CEP63: variants seen among roughly 807,000 people sequenced by gnomAD.
CEP63 encodes centrosomal protein 63.
Under a neutral mutation model 89.1 loss-of-function variants are expected in CEP63, and 84 were observed. That is an observed-to-expected ratio of 0.94 (90% CI 0.79 to 1.13). CEP63 has a LOEUF of 1.13. Among genes scored for constraint, CEP63 ranks in the 50% most tolerant of loss-of-function variants. The probability of loss-of-function intolerance (pLI) is 0.00; values close to 1 mark genes in which losing one functional copy is unlikely to be tolerated. For missense variants in CEP63, 838 were observed against 813.3 expected (o/e 1.03, Z -0.37); for synonymous variants, 267 against 272.5 (o/e 0.98, Z 0.20).
chr3:134,615,349 C>CTTTTTTTT, the CEP63 span: 1 of 96,156 alleles, frequency 1.0e-5, no homozygotes. Flanking sequence ...GTTCAAGAAG[C>CTTTTTTTT]TTTTTTTTTT....
the CEP63 span, among the ~76,000 whole-genome samples, chr3:134,620,518 T>C: frequency 1.3e-5 from 2 of 152,188 alleles, no homozygotes; most frequent in Non-Finnish European, 2.9e-5. Flanking sequence ...GCACTGGTTA[T>C]GGGCAGAAGG....
the CEP63 span, among the ~76,000 whole-genome samples, chr3:134,647,219 C>G: frequency 6.6e-6 from 1 of 152,214 alleles, no homozygotes. Flanking sequence ...TGGCACTGCT[C>G]TTCAGCCACA....
At chr3:134,604,020 C>T in the CEP63 span, 2 of 1,614,026 alleles carry the variant, frequency 1.2e-6, no homozygotes, top group Non-Finnish European at 1.7e-6. Context: ...TCTCCCGGTG[C>T]AGCTGGAAGA....
the CEP63 span, among the ~76,000 whole-genome samples, chr3:134,750,199 C>T: frequency 6.6e-6 from 1 of 152,188 alleles, no homozygotes; most frequent in Non-Finnish European, 1.5e-5. Flanking sequence ...GCATTTTTAT[C>T]TGCAATCAGG....
At chr3:134,782,401 A>G in the CEP63 span, among the ~76,000 whole-genome samples, 3 of 152,152 alleles carry the variant, frequency 2.0e-5, no homozygotes, top group South Asian at 2.1e-4. Flanking sequence ...TTTATTGTGA[A>G]TCAGGTTTGA....
the CEP63 span, among the ~76,000 whole-genome samples, chr3:134,738,970 A>AT: frequency 2.0e-5 from 3 of 150,380 alleles, no homozygotes; most frequent in Admixed American, 2.0e-4. Context: ...CTATAATAAA[A>AT]AAAAAAAAAA....
At chr3:134,741,242 G>T in the CEP63 span, among the ~76,000 whole-genome samples, 1 of 152,126 alleles carries the variant, frequency 6.6e-6, no homozygotes, top group Non-Finnish European at 1.5e-5. Context: ...TGAGAACTTG[G>T]TTTCTTCGGT....
chr3:134,775,599 C>A, the CEP63 span, among the ~76,000 whole-genome samples: 1 of 152,098 alleles, frequency 6.6e-6, no homozygotes, highest in Admixed American at 6.5e-5. Flanking sequence ...CCAGGGAGCC[C>A]CAGAGAGTCC....
At chr3:134,607,995 C>A in the CEP63 span, 47 of 1,035,198 alleles carry the variant, frequency 4.5e-5, no homozygotes, top group East Asian at 3.1e-3. Context: ...AGCTACTAGG[C>A]CTGTTCTCCT....
chr3:134,582,339 T>A (rs4955499), intron 10 of CEP63, among the ~76,000 whole-genome samples: 1 of 151,384 alleles, frequency 6.6e-6, no homozygotes, highest in Admixed American at 6.6e-5. Flanking sequence ...AGTCCCCCAT[T>A]CCCCTACAGG....
At chr3:134,742,000 G>C in the CEP63 span, among the ~76,000 whole-genome samples, 12 of 152,134 alleles carry the variant, frequency 7.9e-5, no homozygotes, top group Admixed American at 7.9e-4. Flanking sequence ...GTGTGTGTGT[G>C]TGTGTGTGTG....
chr3:134,506,072 A>G (rs1181764308), intron 2 of CEP63, among the ~76,000 whole-genome samples: 1 of 152,166 alleles, frequency 6.6e-6, no homozygotes, highest in African/African-American at 2.4e-5. Flanking sequence ...TTAAGAAGCA[A>G]AAGTACAAAG....
At chr3:134,618,638 T>G in the CEP63 span, among the ~76,000 whole-genome samples, 1 of 151,268 alleles carries the variant, frequency 6.6e-6, no homozygotes, top group African/African-American at 2.4e-5. Flanking sequence ...CCTGGCCATA[T>G]GCCCACTCCC....
At chr3:134,577,609 C>G (rs1470461751), downstream of CEP63, among the ~76,000 whole-genome samples, 1 of 150,610 alleles carries the variant, frequency 6.6e-6, no homozygotes, top group East Asian at 1.9e-4. Context: ...TTATTTTTAA[C>G]TTTTTTTTTC....
chr3:134,700,490 C>A, the CEP63 span, among the ~76,000 whole-genome samples: 5 of 152,202 alleles, frequency 3.3e-5, no homozygotes, highest in Non-Finnish European at 1.5e-5. Context: ...TCACACTTCC[C>A]AGAGGTGAAC....
the CEP63 span, among the ~76,000 whole-genome samples, chr3:134,726,440 G>C: frequency 3.5e-5 from 5 of 144,656 alleles, no homozygotes; most frequent in African/African-American, 1.3e-4. Flanking sequence ...TCCTGAAGCT[G>C]GACACAGGCA....
the CEP63 span, among the ~76,000 whole-genome samples, chr3:134,697,647 A>C: frequency 6.6e-6 from 1 of 152,128 alleles, no homozygotes. Context: ...ACCTGCACAC[A>C]CACTGCTCAC....
At chr3:134,614,209 G>A in the CEP63 span, among the ~76,000 whole-genome samples, 1 of 152,048 alleles carries the variant, frequency 6.6e-6, no homozygotes, top group African/African-American at 2.4e-5. Context: ...CGGAAGGAGG[G>A]GCCGAGGACT....
the CEP63 span, among the ~76,000 whole-genome samples, chr3:134,716,301 G>A: frequency 1.1e-4 from 16 of 152,188 alleles, no homozygotes; most frequent in Non-Finnish European, 2.2e-4. Context: ...TGAGTCCTCA[G>A]ATGCTCATAT....
Sources: gnomAD v4.1 joint callset for allele counts (sites outside exome capture counted in the v4.1 genomes callset) on GRCh38, gnomAD v4.1.1 for gene constraint, MANE v1.5 for transcripts, NCBI Gene and HGNC (gene_info 2026-07-23, HGNC 2026-07-21) for gene names.